RTN1: variants seen among roughly 807,000 people sequenced by gnomAD.
RTN1 encodes the protein reticulon-1.
In RTN1, 25 loss-of-function variants were observed where a neutral mutation model predicts 65.5. The observed-to-expected ratio is 0.38, with a 90% CI of 0.28 to 0.53. The LOEUF is 0.53. Ranked by LOEUF, RTN1 falls within the 20% of genes least tolerant of loss-of-function variation. RTN1 has a pLI of 0.79. For synonymous variants in RTN1, 471 were observed against 447.6 expected (o/e 1.05, Z -0.66); for missense variants, 983 against 1,025.4 (o/e 0.96, Z 0.57).
intron 1 of RTN1, among the ~76,000 whole-genome samples, chr14:59,749,438 C>A (rs557954616): frequency 2.1e-5 from 2 of 96,084 alleles, no homozygotes; most frequent in Non-Finnish European, 3.6e-5. Flanking sequence ...CTATATATAT[C>A]TATATCTATA....
chr14:59,607,188 C>A, intron 4 of RTN1, 97 bp downstream of exon 4: 1 of 1,062,134 alleles, frequency 9.4e-7, no homozygotes, highest in Non-Finnish European at 1.4e-6. Flanking sequence ...TGTTGGGTCT[C>A]AGAGAAACAT....
chr14:59,722,090 T>A (rs1450713494), intron 3 of RTN1, among the ~76,000 whole-genome samples: 1 of 152,250 alleles, frequency 6.6e-6, no homozygotes, highest in African/African-American at 2.4e-5. Flanking sequence ...TTCTATGGGA[T>A]AAATTCCTAA....
chr14:59,641,683 T>C (rs1882784745), intron 3 of RTN1, among the ~76,000 whole-genome samples: 1 of 152,200 alleles, frequency 6.6e-6, no homozygotes. Flanking sequence ...TTTTTGAACA[T>C]TTTAGTGATT....
chr14:59,633,140 A>C (rs1322064873), intron 3 of RTN1, among the ~76,000 whole-genome samples: 2 of 152,182 alleles, frequency 1.3e-5, no homozygotes, highest in African/African-American at 4.8e-5. Flanking sequence ...CTGAAAGATC[A>C]CATTATTTTC....
chr14:59,791,842 G>T (rs559691306), intron 1 of RTN1, among the ~76,000 whole-genome samples: 1 of 152,078 alleles, frequency 6.6e-6, no homozygotes. Flanking sequence ...TTTTATAAAG[G>T]TTAGCCTGGA....
intron 1 of RTN1, among the ~76,000 whole-genome samples, chr14:59,831,898 A>G (rs1594759673): frequency 6.6e-6 from 1 of 152,140 alleles, no homozygotes; most frequent in Non-Finnish European, 1.5e-5. Flanking sequence ...GCTTGAGGCA[A>G]CATGTCTCTA....
At position 59,816,716 on chromosome 14, in the gene RTN1, T is replaced by C. The variant is rs1252350975; in HGVS notation, c.241+53674A>G. ...TAGGAGGCCGAGGCTGGCGAATCAC[T>C]TGAGTCCACGAGTTCAAGGTCAGCC... On this transcript the variant is annotated intron_variant, in intron 1 of 8. Coordinates refer to ENST00000267484, the MANE Select transcript of RTN1 (RefSeq NM_021136.3). This position sits in a 1 kb window ranked among gnomAD's most constrained non-coding sequence, Gnocchi z 4.3. Among the ~76,000 whole-genome samples the C allele has an allele frequency of 6.6e-6, 1 of 152,122 alleles. No homozygotes were observed. Among genetic ancestry groups the C allele is most frequent in the Non-Finnish European group, 1.5e-5 (1 of 68,018 alleles).
At chr14:59,854,831 G>T (rs956862605) in intron 1 of RTN1, among the ~76,000 whole-genome samples, 1 of 152,070 alleles carries the variant, frequency 6.6e-6, no homozygotes, top group Admixed American at 6.6e-5. Context: ...TTGCTTACTT[G>T]TAAAATGGGG....
At chr14:59,830,509 C>G (rs771667245) in intron 1 of RTN1, among the ~76,000 whole-genome samples, 15 of 152,282 alleles carry the variant, frequency 9.9e-5, no homozygotes, top group Non-Finnish European at 1.8e-4. Flanking sequence ...TGAGAAAGAA[C>G]CAGATGCCTA....
At chr14:59,679,990 G>A (rs1883712196) in intron 3 of RTN1, among the ~76,000 whole-genome samples, 1 of 152,136 alleles carries the variant, frequency 6.6e-6, no homozygotes, top group Non-Finnish European at 1.5e-5. Flanking sequence ...GGTGTGTTGT[G>A]CAACCTCTAC....
chr14:59,748,992 G>T (rs539921767), intron 1 of RTN1, among the ~76,000 whole-genome samples: 2 of 150,842 alleles, frequency 1.3e-5, no homozygotes, highest in Admixed American at 6.6e-5. Flanking sequence ...GTTTTGTCAT[G>T]TCGGCCAGAT....
rs371389263 is a variant in RTN1 at position 59,774,643 on chromosome 14, A to G, written c.242-28162T>C. Among the ~76,000 whole-genome samples, 1 of 149,046 alleles carries G rather than the reference A, an allele frequency of 6.7e-6. No homozygotes were observed. The highest frequency in any genetic ancestry group is 1.5e-5 in the Non-Finnish European group (1 of 68,018). On this transcript the variant is annotated intron_variant, in intron 1 of 8. Transcript: ENST00000267484. This position sits in a 1 kb window ranked among gnomAD's most constrained non-coding sequence, Gnocchi z 5.1. ...TGAAATGTAAGTAATTTTCATTTGG[A>G]ATCTCATATTTATATGTGTATTCTT...
chr14:59,800,274 A>G (rs1886516729), intron 1 of RTN1, among the ~76,000 whole-genome samples: 1 of 152,246 alleles, frequency 6.6e-6, no homozygotes, highest in Non-Finnish European at 1.5e-5. Flanking sequence ...TAACAGCCTT[A>G]CATAAGATTA....
At chr14:59,737,800 G>C (rs1209676509) in intron 2 of RTN1, among the ~76,000 whole-genome samples, 1 of 152,162 alleles carries the variant, frequency 6.6e-6, no homozygotes, top group Admixed American at 6.5e-5. Context: ...TATGGTACTG[G>C]TACAAGAACA....
intron 1 of RTN1, among the ~76,000 whole-genome samples, chr14:59,799,243 T>C (rs917382885): frequency 2.6e-5 from 4 of 152,164 alleles, no homozygotes; most frequent in Non-Finnish European, 5.9e-5. Context: ...CAAAATACCT[T>C]ATAGAATGAG....
intron 1 of RTN1, among the ~76,000 whole-genome samples, chr14:59,781,250 A>C (rs1366240485): frequency 6.6e-6 from 1 of 152,016 alleles, no homozygotes; most frequent in African/African-American, 2.4e-5. Context: ...AACAAAAAAC[A>C]GAGCAACACC....
intron 1 of RTN1, among the ~76,000 whole-genome samples, chr14:59,782,649 G>T (rs2139576681): frequency 6.6e-6 from 1 of 152,272 alleles, no homozygotes; most frequent in East Asian, 1.9e-4. Context: ...TAACTAAATG[G>T]ATAGGGTAGA....
At chr14:59,859,177 A>T (rs1312758200) in intron 1 of RTN1, among the ~76,000 whole-genome samples, 2 of 152,236 alleles carry the variant, frequency 1.3e-5, no homozygotes, top group East Asian at 3.8e-4. Flanking sequence ...TAAAATAATG[A>T]TATGGCTTGA....
intron 2 of RTN1, among the ~76,000 whole-genome samples, chr14:59,739,286 C>T (rs964069724): frequency 3.3e-5 from 5 of 151,946 alleles, no homozygotes; most frequent in African/African-American, 1.2e-4. Context: ...TTTGGGATGC[C>T]GAGGCGGGCA....
Sources: allele counts gnomAD v4.1 joint callset (sites outside exome capture counted in the v4.1 genomes callset), GRCh38; gene constraint gnomAD v4.1.1; non-coding constraint Gnocchi (gnomAD v3.1); transcripts MANE v1.5; gene names NCBI Gene and HGNC (gene_info 2026-07-23, HGNC 2026-07-21).